The following TRDN variants were observed in gnomAD, a reference collection of about 807,000 sequenced individuals.
TRDN encodes triadin in skeletal muscle.
Under a neutral mutation model 149.7 loss-of-function variants are expected in TRDN, and 161 were observed. The observed-to-expected ratio is 1.08, with a 90% confidence interval of 0.95 to 1.23. TRDN has a LOEUF of 1.23. Ranked by LOEUF, TRDN falls within the 50% of genes most tolerant of loss-of-function variation. The pLI, the probability that TRDN is intolerant of heterozygous loss-of-function variation, is 0.00. For missense variants in TRDN, 896 were observed against 823.5 expected (o/e 1.09, Z -1.08); for synonymous variants, 294 against 250.5 (o/e 1.17, Z -1.64).
In TRDN at chr6:123,484,146, G is replaced by GA. The variant is rs77281336; in HGVS notation, c.853+13046dup. Among the ~76,000 whole-genome samples, 586 of 149,602 alleles carry GA rather than the reference G, an allele frequency of 3.9e-3. 25 individuals carry two copies. The East Asian group carries it at 0.092, about 24-fold the overall frequency. On this transcript the variant is annotated intron_variant, in intron 9 of 40. Transcript: ENST00000334268. ...TGCAAATACAAAAGCATCCTCTGCA[G>GA]AAAAAAAAAGCTATAGAAAAGAGAT...
intron 38 of TRDN, among the ~76,000 whole-genome samples, chr6:123,226,731 A>G (rs971404650): frequency 6.6e-6 from 1 of 151,932 alleles, no homozygotes; most frequent in African/African-American, 2.4e-5. Context: ...CTTACTGTCT[A>G]CTTATTCTTA....
At chr6:123,625,598 A>G (rs552382535) in intron 1 of TRDN, among the ~76,000 whole-genome samples, 101 of 152,276 alleles carry the variant, frequency 6.6e-4, no homozygotes, top group African/African-American at 2.3e-3. Flanking sequence ...AAAAGAGTAT[A>G]ACTGGACTGT....
intron 12 of TRDN, among the ~76,000 whole-genome samples, chr6:123,420,391 TA>T (rs5879679): frequency 0.55 from 83,248 of 151,110 alleles, 23,375 homozygotes; most frequent in East Asian, 0.79. Context: ...AGGATTTTTT[TA>T]AAAAAAAAAC....
intron 23 of TRDN, among the ~76,000 whole-genome samples, chr6:123,328,243 C>T (rs1779533699): frequency 6.6e-6 from 1 of 152,216 alleles, no homozygotes; most frequent in Non-Finnish European, 1.5e-5. Context: ...GGGACTGATG[C>T]ATGCCACCTG....
At chr6:123,481,916 T>C (rs945951656) in intron 9 of TRDN, among the ~76,000 whole-genome samples, 1 of 152,226 alleles carries the variant, frequency 6.6e-6, no homozygotes, top group African/African-American at 2.4e-5. Flanking sequence ...GTTGCTTCTC[T>C]GTTATTTAGA....
At chr6:123,578,932 C>T (rs1782987256) in intron 1 of TRDN, among the ~76,000 whole-genome samples, 1 of 151,978 alleles carries the variant, frequency 6.6e-6, no homozygotes, top group Admixed American at 6.6e-5. Flanking sequence ...TAATTGCCTT[C>T]CTGATTTGGC....
At chr6:123,571,261 G>T in intron 1 of TRDN, 129 bp from the exon 2 acceptor site, 1 of 902,928 alleles carries the variant, frequency 1.1e-6, no homozygotes, top group Non-Finnish European at 1.7e-6. Context: ...CTCCTTAGTG[G>T]CAGGACAAAG....
rs34545945 is a variant in TRDN at position 123,290,446 on chromosome 6, A to G, written c.1511-11364T>C. ...AGCTTACTAGTTTGAAGAGAATATT[A>G]TGTCTTCTAAAATTTAACAGAATTT... is the stretch of plus-strand genomic sequence containing the variant. On this transcript the variant is annotated intron_variant, in intron 24 of 40. Coordinates refer to ENST00000334268, the MANE Select transcript of TRDN (RefSeq NM_006073.4). Among the ~76,000 whole-genome samples, 1,475 of 152,240 alleles carry G rather than the reference A, an allele frequency of 9.7e-3. 19 individuals are homozygous for G. The highest frequency in any genetic ancestry group is 0.037 in the South Asian group (180 of 4,830).
chr6:123,591,383 T>C (rs984210107), intron 1 of TRDN, among the ~76,000 whole-genome samples: 1 of 152,096 alleles, frequency 6.6e-6, no homozygotes, highest in Non-Finnish European at 1.5e-5. Flanking sequence ...GTAGCTGGGA[T>C]TACAGGCATG....
chr6:123,267,954 C>CT (rs1475384135), intron 31 of TRDN, among the ~76,000 whole-genome samples: 4 of 151,908 alleles, frequency 2.6e-5, no homozygotes, highest in African/African-American at 4.8e-5. Context: ...CAGGAAAAGG[C>CT]TTTTTTCTAC....
At chr6:123,514,229 G>C (rs1779317283) in intron 6 of TRDN, among the ~76,000 whole-genome samples, 1 of 151,990 alleles carries the variant, frequency 6.6e-6, no homozygotes, top group African/African-American at 2.4e-5. Context: ...GCTGGGTGTG[G>C]TGGCACATGT....
At chr6:123,413,979 G>C (rs958480542) in intron 12 of TRDN, among the ~76,000 whole-genome samples, 5 of 152,062 alleles carry the variant, frequency 3.3e-5, no homozygotes, top group Non-Finnish European at 7.4e-5. Context: ...GGGGTAACTA[G>C]TTTTCTCTTG....
intron 35 of TRDN, among the ~76,000 whole-genome samples, 159 bp from the exon 36 acceptor site, chr6:123,256,061 G>A (rs918447856): frequency 1.3e-5 from 2 of 151,916 alleles, no homozygotes; most frequent in Non-Finnish European, 2.9e-5. Flanking sequence ...TCTACATTAG[G>A]TATTTTTCCT....
At chr6:123,447,103 AT>A (rs796568552) in intron 10 of TRDN, among the ~76,000 whole-genome samples, 100 of 145,788 alleles carry the variant, frequency 6.9e-4, no homozygotes, top group East Asian at 6.6e-3. Context: ...CTCTGAATCC[AT>A]TTTTTTTTTT....
chr6:123,376,807 G>A (rs938365272), intron 18 of TRDN, among the ~76,000 whole-genome samples: 5 of 152,028 alleles, frequency 3.3e-5, no homozygotes. Context: ...ATAAGATTGA[G>A]CAGATGCTAT....
intron 20 of TRDN, among the ~76,000 whole-genome samples, chr6:123,355,181 A>G (rs1386453476): frequency 1.3e-5 from 2 of 151,616 alleles, no homozygotes; most frequent in East Asian, 3.9e-4. Flanking sequence ...AAATATATAT[A>G]TACACATACA....
At chr6:123,410,903 C>T (rs536094814) in intron 12 of TRDN, among the ~76,000 whole-genome samples, 1 of 152,034 alleles carries the variant, frequency 6.6e-6, no homozygotes, top group Non-Finnish European at 1.5e-5. Flanking sequence ...TGCCAACATA[C>T]ATCAGCAGTG....
intron 23 of TRDN, among the ~76,000 whole-genome samples, chr6:123,323,543 G>C (rs1582872024): frequency 6.6e-6 from 1 of 152,240 alleles, no homozygotes. Context: ...GCTCCAGTTT[G>C]TAATGCAGGC....
At chr6:123,345,424 A>T (rs371923789) in intron 21 of TRDN, among the ~76,000 whole-genome samples, 3 of 151,860 alleles carry the variant, frequency 2.0e-5, no homozygotes, top group Non-Finnish European at 4.4e-5. Context: ...TTATTTGTCT[A>T]TTCTTTCACT....
Sources: gnomAD v4.1 joint callset for allele counts (sites outside exome capture counted in the v4.1 genomes callset) on GRCh38, gnomAD v4.1.1 for gene constraint, MANE v1.5 for transcripts, NCBI Gene and HGNC (gene_info 2026-07-23, HGNC 2026-07-21) for gene names.